Variants in TRAPPC8 observed in about 807,000 individuals in gnomAD.
The protein encoded by TRAPPC8 is trafficking protein particle complex subunit 8.
TRAPPC8 carries 54 observed loss-of-function variants against 174.3 expected under a neutral mutation model. That is an observed-to-expected ratio of 0.31 (90% CI 0.25 to 0.39). The LOEUF is 0.39. Among genes scored for constraint, TRAPPC8 ranks in the 10% least tolerant of loss-of-function variants. The pLI, the probability that TRAPPC8 is intolerant of heterozygous loss-of-function variation, is 1.00. For synonymous variants in TRAPPC8, 630 were observed against 579.9 expected (o/e 1.09, Z -1.24); for missense variants, 1,531 against 1,699.1 (o/e 0.90, Z 1.74).
rs145469294 is a variant in TRAPPC8, at chr18:31,900,066, T to C, written c.1490+859A>G. ...CAGCCTGGCAAACATGGTGAAATCG[T>C]CTCTACTAAAAATACAAAATAGCCA... On this transcript the variant is annotated intron_variant, in intron 10 of 28. Coordinates refer to ENST00000283351, the MANE Select transcript of TRAPPC8 (RefSeq NM_014939.5). Among the ~76,000 whole-genome samples, 296 of 151,116 alleles carry C rather than the reference T, an allele frequency of 2.0e-3. 3 individuals carry two copies. Among genetic ancestry groups the C allele is most frequent in the African/African-American group, 6.9e-3 (284 of 41,144 alleles).
At chr18:31,942,414 G>A (rs548688633) in intron 1 of TRAPPC8, among the ~76,000 whole-genome samples, 194 bp downstream of exon 1, 124 of 152,320 alleles carry the variant, frequency 8.1e-4, no homozygotes, top group African/African-American at 2.9e-3. Context: ...CTGGAGCTTA[G>A]GACTGCGCTG....
chr18:31,845,664 A>T (rs1261895852), intron 26 of TRAPPC8, among the ~76,000 whole-genome samples: 1 of 152,172 alleles, frequency 6.6e-6, no homozygotes, highest in Non-Finnish European at 1.5e-5. Context: ...CCTGAATGAA[A>T]GTTATAAGGG....
rs1474541938 is a variant in TRAPPC8, at chr18:31,901,286, A to T, written c.1390-261T>A. On this transcript the variant is annotated intron_variant, in intron 9 of 28. Coordinates refer to ENST00000283351, the MANE Select transcript of TRAPPC8 (RefSeq NM_014939.5). The stretch of plus-strand genomic sequence containing the variant: ...GAATTCAAGTTAAGTAATGAGTAAG[A>T]GTCTTACAGAAACCTCCAAGTAGCA... 2.0e-5 allele frequency among the ~76,000 whole-genome samples: 3 copies of T among 152,260 alleles called. No homozygotes were observed. The East Asian group carries it at 5.8e-4, about 29-fold the overall frequency.
At chr18:31,839,870 A>G (rs1298896606) in intron 26 of TRAPPC8, among the ~76,000 whole-genome samples, 10 of 152,210 alleles carry the variant, frequency 6.6e-5, no homozygotes, top group Admixed American at 2.6e-4. Flanking sequence ...ATTGCATAGC[A>G]CCTATTTTAA....
At chr18:31,902,263 G>A (rs1008314908) in intron 9 of TRAPPC8, among the ~76,000 whole-genome samples, 25 of 152,162 alleles carry the variant, frequency 1.6e-4, no homozygotes, top group East Asian at 3.9e-4. Flanking sequence ...CCCGGGAAGC[G>A]GGGGTTGCAC....
intron 26 of TRAPPC8, among the ~76,000 whole-genome samples, chr18:31,841,593 A>G (rs1284918753): frequency 1.3e-5 from 2 of 152,160 alleles, no homozygotes; most frequent in Non-Finnish European, 2.9e-5. Flanking sequence ...ATACAGTTCT[A>G]TTTTGAACTA....
rs184368549 is a variant in TRAPPC8 at position 31,830,656 on chromosome 18, C to A, written c.*99G>T. The A allele has an allele frequency of 3.2e-4, 326 of 1,004,362 alleles. No individual in the cohort carries two copies. The highest frequency in any genetic ancestry group is 2.2e-4 in the Non-Finnish European group (148 of 688,276). 62.2% of individuals were successfully genotyped at this position (1,004,362 alleles called of 1,614,324 possible). ...AAAGTATTTTGCAGGGATCAGATAT[C>A]AATCAACCTCCATAACAAGTTAGGT... is the stretch of plus-strand genomic sequence containing the variant. On this transcript the variant is annotated 3_prime_UTR_variant, in exon 29 of 29. Transcript: ENST00000283351.
At chr18:31,849,435 CTG>C (rs1327767819) in intron 25 of TRAPPC8, 129 bp downstream of exon 25, 15 of 781,072 alleles carry the variant, frequency 1.9e-5, no homozygotes, top group Non-Finnish European at 2.7e-5. Context: ...AAATATGTAA[CTG>C]TTAAAGTTTC....
chr18:31,880,236 G>A (rs2035382551), intron 12 of TRAPPC8, among the ~76,000 whole-genome samples: 1 of 149,726 alleles, frequency 6.7e-6, no homozygotes, highest in Admixed American at 6.7e-5. Flanking sequence ...GATGAACACA[G>A]ATGCAAAAAC....
At position 31,846,763 on chromosome 18, in the gene TRAPPC8, T is replaced by C. The variant is rs139018995; in HGVS notation, c.3790A>G (p.Ile1264Val). 6.4e-5 allele frequency: 104 copies of C among 1,613,126 alleles called. No homozygotes were observed. The African/African-American group carries it at 9.9e-4, about 15-fold the overall frequency. The change falls in exon 26 of 29, where the codon ATT (isoleucine) becomes GTT (valine). Residue 1264 changes from isoleucine (I) to valine (V), a missense_variant. Ile to Val is a conservative substitution (Grantham distance 29, BLOSUM62 3). Coordinates refer to ENST00000283351, the MANE Select transcript of TRAPPC8 (RefSeq NM_014939.5). ...QLILEGQHHV[I>V]LRTIGKEAFS... ...GCTTCTTTTCCTATAGTGCGAAGAA[T>C]AACATGATGTTGACCTTCCAAAATA...
At chr18:31,933,458 T>G (rs2037942228) in intron 1 of TRAPPC8, among the ~76,000 whole-genome samples, 1 of 152,196 alleles carries the variant, frequency 6.6e-6, no homozygotes, top group African/African-American at 2.4e-5. Flanking sequence ...CACATGTGAT[T>G]ACTATCTACT....
chr18:31,900,233 C>CA (rs1264523192), intron 10 of TRAPPC8, among the ~76,000 whole-genome samples: 45 of 151,868 alleles, frequency 3.0e-4, no homozygotes, highest in African/African-American at 9.2e-4. Context: ...GACTCCTCCT[C>CA]AAAAAAAACC....
intron 2 of TRAPPC8, among the ~76,000 whole-genome samples, chr18:31,921,447 C>G (rs2037384953): frequency 6.6e-6 from 1 of 151,910 alleles, no homozygotes; most frequent in South Asian, 2.1e-4. Context: ...AACCCTGTCT[C>G]TACTAAAAAT....
intron 1 of TRAPPC8, among the ~76,000 whole-genome samples, chr18:31,938,807 C>A (rs1396609361): frequency 6.6e-6 from 1 of 152,138 alleles, no homozygotes; most frequent in Non-Finnish European, 1.5e-5. Flanking sequence ...TGTTGCCTAG[C>A]TCAGTGGCTC....
chr18:31,859,211 G>A lies in TRAPPC8; in HGVS notation c.2746-1229C>T, dbSNP rs115706251. 6.2e-3 allele frequency among the ~76,000 whole-genome samples: 946 copies of A among 152,276 alleles called. 12 individuals carry two copies. Among genetic ancestry groups the A allele is most frequent in the African/African-American group, 0.022 (905 of 41,544 alleles). On this transcript the variant is annotated intron_variant, in intron 19 of 28. Coordinates refer to ENST00000283351, the MANE Select transcript of TRAPPC8 (RefSeq NM_014939.5). ...GAAATGTTCTAATAAAGTTATAGCT[G>A]GCAGTCACTTCATGAAATTCCAGTG...
intron 26 of TRAPPC8, chr18:31,845,067 C>T (rs1212194693): frequency 6.6e-6 from 1 of 151,842 alleles, no homozygotes; most frequent in Non-Finnish European, 1.5e-5. Flanking sequence ...TCGAGACCAT[C>T]CTGCCTAACA....
At chr18:31,861,911 C>G (rs571355808) in intron 19 of TRAPPC8, among the ~76,000 whole-genome samples, 1 of 112,988 alleles carries the variant, frequency 8.9e-6, no homozygotes, top group Admixed American at 1.4e-4. Context: ...GGTGACAGAG[C>G]GATCCCGTCT....
chr18:31,891,774 C>T (rs551938928), intron 11 of TRAPPC8, among the ~76,000 whole-genome samples: 13 of 152,260 alleles, frequency 8.5e-5, no homozygotes, highest in South Asian at 2.1e-4. Context: ...ACTTTAAATG[C>T]GATAATCTCA....
chr18:31,935,204 C>T (rs1009643663), intron 1 of TRAPPC8, among the ~76,000 whole-genome samples: 10 of 151,522 alleles, frequency 6.6e-5, no homozygotes, highest in South Asian at 4.2e-4. Flanking sequence ...ATTAGCCAGG[C>T]GTGGTGGCGC....
Sources: gnomAD v4.1 joint callset for allele counts (sites outside exome capture counted in the v4.1 genomes callset) on GRCh38, gnomAD v4.1.1 for gene constraint, MANE v1.5 for transcripts, NCBI Gene and HGNC (gene_info 2026-07-23, HGNC 2026-07-21) for gene names.